Variants in PKIG observed in about 807,000 individuals in gnomAD.
PKIG encodes protein kinase (cAMP-dependent, catalytic) inhibitor gamma.
In PKIG, 1 loss-of-function variant was observed where a neutral mutation model predicts 6.8. The ratio of observed to expected loss-of-function variants is 0.15; its 90% CI spans 0.05 to 0.69. The LOEUF (loss-of-function observed/expected upper bound fraction) is 0.69, where lower values mean the gene tolerates loss of function less well. Among genes scored for constraint, PKIG ranks in the 30% least tolerant of loss-of-function variants. The pLI is 0.82. For synonymous variants in PKIG, 39 were observed against 43.0 expected, an observed-to-expected ratio of 0.91 and a Z score of 0.36; for missense variants, 77 against 104.0, an observed-to-expected ratio of 0.74 and a Z score of 1.13.
At chr20:44,551,021 T>C (rs144317376) in intron 1 of PKIG, among the ~76,000 whole-genome samples, 52 of 152,330 alleles carry the variant, frequency 3.4e-4, no homozygotes, top group African/African-American at 1.2e-3. Flanking sequence ...AAATATATTA[T>C]GGACATTATA....
intron 1 of PKIG, among the ~76,000 whole-genome samples, chr20:44,538,315 A>T (rs1054389559): frequency 6.6e-6 from 1 of 152,194 alleles, no homozygotes; most frequent in Non-Finnish European, 1.5e-5. Flanking sequence ...TGGGGTAGGG[A>T]TTATCATTCC....
chr20:44,612,029 T>A (rs1478357171), intron 2 of PKIG, among the ~76,000 whole-genome samples: 1 of 152,158 alleles, frequency 6.6e-6, no homozygotes, highest in African/African-American at 2.4e-5. Context: ...TGTTGGACAT[T>A]TGGGTTGATT....
intron 1 of PKIG, among the ~76,000 whole-genome samples, chr20:44,587,096 G>T (rs2123368192): frequency 6.6e-6 from 1 of 152,304 alleles, no homozygotes; most frequent in South Asian, 2.1e-4. Context: ...GTACATTGAG[G>T]ACCTGTTAGT....
At chr20:44,598,854 AAC>A (rs937543204) in intron 2 of PKIG, 1 of 152,180 alleles carries the variant, frequency 6.6e-6, no homozygotes, top group Non-Finnish European at 1.5e-5. Context: ...GTGAAGTAGT[AAC>A]ACCGCCCTGC....
At chr20:44,534,666 G>A (rs2064496808) in intron 1 of PKIG, among the ~76,000 whole-genome samples, 1 of 151,910 alleles carries the variant, frequency 6.6e-6, no homozygotes. Flanking sequence ...ATGAGGTTTT[G>A]CCATGTTGAC....
chr20:44,616,992 A>C (rs1414418154), intron 3 of PKIG, among the ~76,000 whole-genome samples: 1 of 152,152 alleles, frequency 6.6e-6, no homozygotes, highest in Non-Finnish European at 1.5e-5. Context: ...GAGGAGGTTA[A>C]ATTTGGTAGA....
At chr20:44,611,795 A>G (rs2065221788) in intron 2 of PKIG, among the ~76,000 whole-genome samples, 1 of 151,812 alleles carries the variant, frequency 6.6e-6, no homozygotes, top group Non-Finnish European at 1.5e-5. Flanking sequence ...CTGGGATTAC[A>G]GGTGTGAGCC....
At chr20:44,538,419 A>G (rs977858230) in intron 1 of PKIG, among the ~76,000 whole-genome samples, 1 of 152,190 alleles carries the variant, frequency 6.6e-6, no homozygotes, top group African/African-American at 2.4e-5. Flanking sequence ...TCCAGGTTTT[A>G]TTTTCTTCTT....
chr20:44,608,529 G>C (rs138979828), intron 2 of PKIG, among the ~76,000 whole-genome samples: 1 of 152,106 alleles, frequency 6.6e-6, no homozygotes, highest in Non-Finnish European at 1.5e-5. Flanking sequence ...TGGGCCAGGC[G>C]CAGTGGCTTA....
chr20:44,590,668 G>C (rs1488423335), intron 2 of PKIG, among the ~76,000 whole-genome samples: 2 of 152,140 alleles, frequency 1.3e-5, no homozygotes, highest in African/African-American at 4.8e-5. Flanking sequence ...TGGTTGTTAA[G>C]GTATCAGAAT....
chr20:44,573,769 C>T (rs2064873290), intron 1 of PKIG, among the ~76,000 whole-genome samples: 1 of 152,152 alleles, frequency 6.6e-6, no homozygotes, highest in Admixed American at 6.5e-5. Flanking sequence ...AAAGCACTGA[C>T]AAATGGCAAA....
At chr20:44,573,392 G>T (rs2064870046) in intron 1 of PKIG, among the ~76,000 whole-genome samples, 1 of 152,218 alleles carries the variant, frequency 6.6e-6, no homozygotes, top group Admixed American at 6.5e-5. Flanking sequence ...TTGTTGAGAG[G>T]ACATAAGGAA....
chr20:44,597,909 G>A (rs924090471), intron 2 of PKIG, among the ~76,000 whole-genome samples: 1 of 152,236 alleles, frequency 6.6e-6, no homozygotes, highest in Non-Finnish European at 1.5e-5. Flanking sequence ...GATTGCTTCA[G>A]TTATCCACTT....
At chr20:44,582,115 C>T (rs244109), upstream of PKIG, among the ~76,000 whole-genome samples, 477 of 152,166 alleles carry the variant, frequency 3.1e-3, 1 homozygote, top group African/African-American at 0.011. Context: ...ATGTACTGTG[C>T]CCAGCATGTA....
intron 1 of PKIG, among the ~76,000 whole-genome samples, chr20:44,576,210 A>G (rs188971345): frequency 9.2e-4 from 137 of 148,476 alleles, no homozygotes; most frequent in Non-Finnish European, 1.7e-3. Context: ...TTTAGAAAAT[A>G]TTTATTGAGT....
chr20:44,616,580 T>C (rs867970046), intron 3 of PKIG, among the ~76,000 whole-genome samples: 7 of 152,324 alleles, frequency 4.6e-5, no homozygotes, highest in African/African-American at 7.2e-5. Context: ...CTGACTCAGA[T>C]TCCCTAAAGT....
At chr20:44,598,465 C>T (rs547684722) in intron 2 of PKIG, among the ~76,000 whole-genome samples, 15 of 152,322 alleles carry the variant, frequency 9.8e-5, no homozygotes, top group African/African-American at 3.6e-4. Flanking sequence ...CTTCATTCCA[C>T]ACTTGAGACT....
At chr20:44,543,954 C>T (rs766109714) in intron 1 of PKIG, among the ~76,000 whole-genome samples, 1 of 151,728 alleles carries the variant, frequency 6.6e-6, no homozygotes, top group Non-Finnish European at 1.5e-5. Flanking sequence ...GTCCCAGCTA[C>T]TCGGGAGGCT....
In PKIG at chr20:44,614,509, G is replaced by GC; in HGVS notation, c.-23-20dup. 2.5e-6 allele frequency: 4 copies of GC among 1,589,214 alleles called. No homozygotes were observed. Among genetic ancestry groups the GC allele is most frequent in the Non-Finnish European group, 3.4e-6 (4 of 1,160,678 alleles). On this transcript the variant is annotated intron_variant, in intron 2 of 3. Coordinates refer to ENST00000372886, the MANE Select transcript of PKIG (RefSeq NM_001281445.2). The surrounding 1 kb of genome is among the most constrained non-coding windows in gnomAD (Gnocchi z 4.6). ...GCAGAATGCATCTGGACTTACCTCT[G>GC]CCCCCTTGCCTTCTGTCCCCACAGG...
Sources: gnomAD v4.1 joint callset for allele counts (sites outside exome capture counted in the v4.1 genomes callset) on GRCh38, gnomAD v4.1.1 for gene constraint, Gnocchi (gnomAD v3.1) non-coding constraint, MANE v1.5 for transcripts, NCBI Gene and HGNC (gene_info 2026-07-23, HGNC 2026-07-21) for gene names.